The following COPS4 variants were observed in gnomAD, a reference collection of about 807,000 sequenced individuals.
The protein encoded by COPS4 is COP9 signalosome subunit 4, also known as COP9 signalosome complex subunit 4.
In COPS4, 8 loss-of-function variants were observed where a neutral mutation model predicts 55.1. The observed-to-expected ratio is 0.15, with a 90% CI of 0.09 to 0.26. COPS4 has a LOEUF of 0.26. Ranked by LOEUF, COPS4 falls within the 10% of genes least tolerant of loss-of-function variation. The probability of loss-of-function intolerance (pLI) is 1.00; values close to 1 mark genes in which losing one functional copy is unlikely to be tolerated. For missense variants in COPS4, 248 were observed against 484.0 expected (o/e 0.51, Z 4.58); for synonymous variants, 185 against 165.7 (o/e 1.12, Z -0.90).
At position 83,066,760 on chromosome 4, in the gene COPS4, G is replaced by A. The variant is rs146031087; in HGVS notation, c.1002+207G>A. Among the ~76,000 whole-genome samples the A allele has an allele frequency of 2.4e-3, 366 of 152,280 alleles. 4 individuals are homozygous for A. Among genetic ancestry groups the A allele is most frequent in the Admixed American group, 0.02 (299 of 15,290 alleles). ...AGGCCTAGTGTTTATTAGTGGAATT[G>A]TCTTAGTGTTTTTTGGTGTTTTAAA... On this transcript the variant is annotated intron_variant, in intron 8 of 9. Coordinates refer to ENST00000264389, the MANE Select transcript of COPS4 (RefSeq NM_016129.3).
At chr4:83,045,495 T>C in intron 1 of COPS4, 131 bp from the exon 2 acceptor site, 1 of 594,912 alleles carries the variant, frequency 1.7e-6, no homozygotes, top group East Asian at 2.9e-5. Context: ...TGTGGTATAC[T>C]ATAAAGAAAA....
In COPS4 at chr4:83,075,453, C is replaced by T. The variant is rs1731548610; in HGVS notation, c.*23C>T. On this transcript the variant is annotated 3_prime_UTR_variant, in exon 10 of 10. Coordinates refer to ENST00000264389, the MANE Select transcript of COPS4 (RefSeq NM_016129.3). Reference sequence around the variant, plus strand: ...TGAATCCTTGCAGAACTTCTGTGCACATGACATCTTTTTCCATGTTGTGCA... The same window carrying T: ...TGAATCCTTGCAGAACTTCTGTGCATATGACATCTTTTTCCATGTTGTGCA... 1 of 1,613,122 alleles carries T rather than the reference C, an allele frequency of 6.2e-7. No individual in the cohort carries two copies. Among genetic ancestry groups the T allele is most frequent in the African/African-American group, 1.3e-5 (1 of 74,888 alleles).
chr4:83,049,713 TC>T (rs1730809587), intron 3 of COPS4, among the ~76,000 whole-genome samples, 167 bp from the exon 4 acceptor site: 1 of 152,212 alleles, frequency 6.6e-6, no homozygotes, highest in Non-Finnish European at 1.5e-5. Context: ...AGTTTGATAT[TC>T]TGTAAATGCA....
rs568194003 is a variant in COPS4 at position 83,036,816 on chromosome 4, C to T, written c.74+1518C>T. On this transcript the variant is annotated intron_variant, in intron 1 of 9. Transcript: ENST00000264389. The stretch of plus-strand genomic sequence containing the variant: ...TCAGCTTATATTTTTCCCCATGCTT[C>T]CTTTACTTTTTATTTTGTTAAAGAA... Among the ~76,000 whole-genome samples the T allele has an allele frequency of 2.0e-5, 3 of 152,144 alleles. No homozygotes were observed. The South Asian group carries it at 6.2e-4, about 31-fold the overall frequency.
intron 3 of COPS4, 100 bp from the exon 4 acceptor site, chr4:83,049,781 T>G: frequency 1.4e-6 from 1 of 723,274 alleles, no homozygotes; most frequent in Non-Finnish European, 2.3e-6. Context: ...ACGTGGCAGC[T>G]TAGTATGTTG....
chr4:83,067,970 G>A (rs1353722153), intron 8 of COPS4, among the ~76,000 whole-genome samples: 3 of 152,206 alleles, frequency 2.0e-5, no homozygotes, highest in African/African-American at 7.2e-5. Context: ...GTCTTCAGGA[G>A]TTAGGTAGTA....
intron 1 of COPS4, among the ~76,000 whole-genome samples, chr4:83,044,924 C>A (rs761487478): frequency 6.6e-6 from 1 of 152,214 alleles, no homozygotes; most frequent in Non-Finnish European, 1.5e-5. Context: ...TAGCAGAGAA[C>A]AAAACACAAG....
At chr4:83,049,673 C>T (rs1242930733) in intron 3 of COPS4, among the ~76,000 whole-genome samples, 1 of 152,186 alleles carries the variant, frequency 6.6e-6, no homozygotes, top group Non-Finnish European at 1.5e-5. Flanking sequence ...CCATAATCCA[C>T]ATTGCAGAAA....
chr4:83,066,704 A>G (rs1282440650), intron 8 of COPS4, 151 bp downstream of exon 8: 30 of 525,964 alleles, frequency 5.7e-5, no homozygotes, highest in Non-Finnish European at 8.8e-5. Flanking sequence ...CTAAAAAGCC[A>G]CAAGTAAATA....
rs541775007 is a variant in COPS4 at position 83,035,207 on chromosome 4, C to T, written c.-18C>T. On this transcript the variant is annotated 5_prime_UTR_variant, in exon 1 of 10. Coordinates refer to ENST00000264389, the MANE Select transcript of COPS4 (RefSeq NM_016129.3). ...GGCTGCCAGAGGCCCCCGCATCCAC[C>T]GCTGAGCTGGGAGAAAGATGGCGGC... is the stretch of plus-strand genomic sequence containing the variant. 48 of 1,551,968 alleles carry T rather than the reference C, an allele frequency of 3.1e-5. No homozygotes were observed. In the South Asian group the frequency reaches 5.0e-4, roughly 16 times the overall value.
intron 2 of COPS4, among the ~76,000 whole-genome samples, chr4:83,047,925 C>T (rs554886670): frequency 3.3e-5 from 5 of 151,518 alleles, no homozygotes; most frequent in East Asian, 1.9e-4. Context: ...GGCATGAACC[C>T]GGGAGGTGGA....
intron 4 of COPS4, among the ~76,000 whole-genome samples, chr4:83,051,081 CT>C: frequency 6.9e-6 from 1 of 144,400 alleles, no homozygotes; most frequent in East Asian, 2.0e-4. Flanking sequence ...GGCAGCATAG[CT>C]AGACCCCATC....
chr4:83,036,258 ACCCC>A (rs33940074), intron 1 of COPS4, among the ~76,000 whole-genome samples: 1 of 146,266 alleles, frequency 6.8e-6, no homozygotes, highest in Non-Finnish European at 1.5e-5. Flanking sequence ...ACATAGTGAG[ACCCC>A]CCCCCCCGCC....
intron 4 of COPS4, among the ~76,000 whole-genome samples, chr4:83,051,964 TGTATCAAGG>T (rs1730899990): frequency 6.6e-6 from 1 of 152,048 alleles, no homozygotes; most frequent in Non-Finnish European, 1.5e-5. Flanking sequence ...ATGAGGAAAA[TGTATCAAGG>T]GCCAGGTGGT....
chr4:83,052,498 A>G (rs964082766), intron 4 of COPS4, among the ~76,000 whole-genome samples: 1 of 152,182 alleles, frequency 6.6e-6, no homozygotes, highest in African/African-American at 2.4e-5. Context: ...CTGGATGCCA[A>G]TAGTACTGCT....
chr4:83,068,969 CA>C (rs5859859), intron 9 of COPS4, among the ~76,000 whole-genome samples: 125,275 of 129,536 alleles, frequency 0.97, 60,526 homozygotes, highest in South Asian at 0.99. Context: ...GACTCTGTCT[CA>C]AAAAAAAAAA....
At chr4:83,044,422 G>T (rs1252823249) in intron 1 of COPS4, among the ~76,000 whole-genome samples, 1 of 142,600 alleles carries the variant, frequency 7.0e-6, no homozygotes, top group Non-Finnish European at 1.5e-5. Flanking sequence ...TCCAGCCTGG[G>T]TGACAGAGCA....
intron 8 of COPS4, among the ~76,000 whole-genome samples, chr4:83,067,064 A>T (rs560091589): frequency 2.1e-4 from 32 of 151,588 alleles, no homozygotes; most frequent in African/African-American, 7.8e-4. Context: ...CTGTTTATTT[A>T]TTTTATTTTT....
rs911426523 is a variant in COPS4, at chr4:83,038,309, G to T, written c.74+3011G>T. Among the ~76,000 whole-genome samples the T allele has an allele frequency of 2.0e-5, 3 of 152,366 alleles. No individual in the cohort carries two copies. The South Asian group carries it at 6.2e-4, about 32-fold the overall frequency. ...TAACAAGTAGGAGTAGGTGATAGTA[G>T]TGATATTATTTACATTATAATAAGA... On this transcript the variant is annotated intron_variant, in intron 1 of 9. Coordinates refer to ENST00000264389, the MANE Select transcript of COPS4 (RefSeq NM_016129.3).
Sources: allele counts gnomAD v4.1 joint callset (sites outside exome capture counted in the v4.1 genomes callset), GRCh38; gene constraint gnomAD v4.1.1; transcripts MANE v1.5; gene names NCBI Gene and HGNC (gene_info 2026-07-23, HGNC 2026-07-21).